Variants in JPH2 observed in about 807,000 individuals in gnomAD.
JPH2 encodes the protein junctophilin-2.
In JPH2, 38 loss-of-function variants were observed where a neutral mutation model predicts 55.9. That is an observed-to-expected ratio of 0.68 (90% CI 0.52 to 0.89). The LOEUF (loss-of-function observed/expected upper bound fraction) is 0.89, where lower values mean the gene tolerates loss of function less well. JPH2 is among the 40% of genes least tolerant of loss of function. JPH2 has a pLI of 0.00. For missense variants in JPH2, 964 were observed against 1,037.6 expected, an observed-to-expected ratio of 0.93 and a Z score of 0.97; for synonymous variants, 480 against 472.4, an observed-to-expected ratio of 1.02 and a Z score of -0.21.
rs534764809 is a variant in JPH2, at chr20:44,116,051, G to A, written c.1624C>T (p.Arg542Cys). ...RRSPARPATE[R>C]MAIEALQAPP... Reference sequence around the variant, plus strand: ...GCCTGCAGAGCCTCGATGGCCATGCGCTCGGTGGCTGGACGCGCGGGGCTG... The same window carrying A: ...GCCTGCAGAGCCTCGATGGCCATGCACTCGGTGGCTGGACGCGCGGGGCTG... The change falls in exon 4 of 6, where the codon CGC becomes TGC. Residue 542 changes from arginine to cysteine, a missense_variant. Arg to Cys is a radical substitution (Grantham distance 180). Transcript: ENST00000372980. 14 of 1,562,950 alleles carry A rather than the reference G, an allele frequency of 9.0e-6. No homozygotes were observed. In the African/African-American group the frequency reaches 9.7e-5, roughly 11 times the overall value.
intron 2 of JPH2, among the ~76,000 whole-genome samples, chr20:44,121,480 T>C (rs2072235588): frequency 6.6e-6 from 1 of 152,064 alleles, no homozygotes; most frequent in Admixed American, 6.6e-5. Flanking sequence ...GGTAGTGAGG[T>C]AGTGTTTACC....
At chr20:44,144,512 G>A (rs1438735717) in intron 2 of JPH2, among the ~76,000 whole-genome samples, 1 of 152,190 alleles carries the variant, frequency 6.6e-6, no homozygotes. Flanking sequence ...TGGTGGGCAA[G>A]TAACAGAGCA....
rs925491624 is a variant in JPH2, at chr20:44,115,846, C to T, written c.1829G>A (p.Arg610Gln). The change falls in exon 4 of 6, where the codon CGA becomes CAA. Residue 610 changes from arginine (R) to glutamine (Q), a missense_variant. Physicochemically the swap from Arg to Gln is conservative, Grantham distance 43. Coordinates refer to ENST00000372980, the MANE Select transcript of JPH2 (RefSeq NM_020433.5). ...ATAPLQAPTL[R>Q]GPEPARETPA... ...GGTCTCGCGTGCAGGCTCGGGGCCT[C>T]GGAGCGTGGGGGCCTGCAGCGGGGC... 3 of 1,594,258 alleles carry T rather than the reference C, an allele frequency of 1.9e-6. No individual in the cohort carries two copies. Among genetic ancestry groups the T allele is most frequent in the Admixed American group, 1.7e-5 (1 of 59,600 alleles).
chr20:44,139,923 G>A (rs1045236101), intron 2 of JPH2, among the ~76,000 whole-genome samples: 2 of 152,128 alleles, frequency 1.3e-5, no homozygotes, highest in Non-Finnish European at 2.9e-5. Context: ...CCAGGCTGGA[G>A]TGCAGTGGTG....
chr20:44,145,320 C>A (rs2072485916), intron 2 of JPH2, among the ~76,000 whole-genome samples: 1 of 152,052 alleles, frequency 6.6e-6, no homozygotes, highest in Non-Finnish European at 1.5e-5. Flanking sequence ...AAAAGTAAAG[C>A]TGGACCAGGC....
At chr20:44,121,602 G>A (rs966118674) in intron 2 of JPH2, among the ~76,000 whole-genome samples, 1 of 9,480 alleles carries the variant, frequency 1.1e-4, no homozygotes, top group Non-Finnish European at 1.7e-4. Flanking sequence ...GGGCTTTACA[G>A]AAATTAACTT....
Position 44,186,431 on chromosome 20 carries a change from C to G in JPH2, c.275G>C (p.Gly92Ala). The change falls in exon 1 of 6, where the codon GGA becomes GCA. Residue 92 changes from glycine (G) to alanine (A), a missense_variant. By Grantham distance (60) the Gly-to-Ala change is moderately conservative (BLOSUM62 0). Coordinates refer to ENST00000372980, the MANE Select transcript of JPH2 (RefSeq NM_020433.5). ...YKGEWTHGFK[G>A]RYGIRQSSSS... ...TGAGCTCTGCCGGATTCCGTAGCGT[C>G]CCTTGAAGCCATGTGTCCACTCGCC... 1 of 1,614,086 alleles carries G rather than the reference C, an allele frequency of 6.2e-7. No homozygotes were observed. Among genetic ancestry groups the G allele is most frequent in the Non-Finnish European group, 8.5e-7 (1 of 1,179,988 alleles).
chr20:44,170,314 C>T (rs937581336), intron 1 of JPH2, among the ~76,000 whole-genome samples: 1 of 152,236 alleles, frequency 6.6e-6, no homozygotes, highest in Non-Finnish European at 1.5e-5. Context: ...CTTCTTACTT[C>T]CCATGGCAGC....
At chr20:44,163,514 T>C (rs2072630699) in intron 1 of JPH2, among the ~76,000 whole-genome samples, 1 of 152,100 alleles carries the variant, frequency 6.6e-6, no homozygotes, top group Non-Finnish European at 1.5e-5. Flanking sequence ...AGAGCCCCCA[T>C]TAAGGATCAA....
At position 44,109,497 on chromosome 20, in the gene JPH2, T is replaced by C. The variant is rs1454275444; in HGVS notation, c.*4021A>G. ...ACCACACAGCTGTTCTGCCACCACA[T>C]ACAGGAGGTGAAGGGCTTAGCACAG... is the stretch of plus-strand genomic sequence containing the variant. On this transcript the variant is annotated 3_prime_UTR_variant, in exon 6 of 6. Transcript: ENST00000372980. 2.6e-5 allele frequency among the ~76,000 whole-genome samples: 4 copies of C among 152,140 alleles called. No individual in the cohort carries two copies. The East Asian group carries it at 5.8e-4, about 22-fold the overall frequency.
Position 44,115,760 on chromosome 20 carries a change from T to TG in JPH2, c.1914dup (p.Lys639GlnfsTer3). ...TTGGTCAGCCCTCGAGCCTCAGTCT[T>TG]GCGGGCCTTGGCCCTGGGCTCGGCT... On this transcript the variant is annotated frameshift_variant, in exon 4 of 6. Coordinates refer to ENST00000372980, the MANE Select transcript of JPH2 (RefSeq NM_020433.5). LOFTEE classifies it high-confidence loss of function. 6.2e-7 allele frequency: 1 copy of TG among 1,612,756 alleles called. No homozygotes were observed. The highest frequency in any genetic ancestry group is 8.5e-7 in the Non-Finnish European group (1 of 1,179,954).
chr20:44,147,545 G>C (rs1423583461), intron 2 of JPH2, among the ~76,000 whole-genome samples: 1 of 152,220 alleles, frequency 6.6e-6, no homozygotes, highest in Non-Finnish European at 1.5e-5. Flanking sequence ...AACAAAACCA[G>C]AATAGGTAAG....
At chr20:44,171,365 G>C (rs774969242) in intron 1 of JPH2, among the ~76,000 whole-genome samples, 2 of 152,184 alleles carry the variant, frequency 1.3e-5, no homozygotes, top group Non-Finnish European at 2.9e-5. Context: ...GAAGGAGGCA[G>C]CTCCCTTTGT....
At chr20:44,144,601 G>A (rs537074985) in intron 2 of JPH2, among the ~76,000 whole-genome samples, 4 of 152,264 alleles carry the variant, frequency 2.6e-5, no homozygotes, top group East Asian at 3.9e-4. Context: ...GCCAGGCACC[G>A]AGGTCTAGGC....
intron 1 of JPH2, among the ~76,000 whole-genome samples, chr20:44,182,047 A>T (rs1347978944): frequency 6.6e-6 from 1 of 152,248 alleles, no homozygotes. Flanking sequence ...GTACTCATTC[A>T]TCCCAGGAGA....
At chr20:44,140,357 G>C (rs1439944332) in intron 2 of JPH2, among the ~76,000 whole-genome samples, 37 of 152,222 alleles carry the variant, frequency 2.4e-4, no homozygotes, top group Non-Finnish European at 2.9e-5. Flanking sequence ...CTGCTCTGTG[G>C]CATTTCCCAC....
Position 44,116,403 on chromosome 20 carries a change from G to A in JPH2, c.1289-17C>T, listed in dbSNP as rs539098497. On this transcript the variant is annotated splice_polypyrimidine_tract_variant and intron_variant, in intron 3 of 5. Coordinates refer to ENST00000372980, the MANE Select transcript of JPH2 (RefSeq NM_020433.5). Reference sequence around the variant, plus strand: ...ATTCCGGACCTGCCAGGGCAACACAGGGAGGCTGGGCTCGAACCCCGCACC... The same window carrying A: ...ATTCCGGACCTGCCAGGGCAACACAAGGAGGCTGGGCTCGAACCCCGCACC... The A allele has an allele frequency of 6.5e-6, 10 of 1,545,976 alleles. No individual in the cohort carries two copies. The East Asian group carries it at 2.4e-4, about 38-fold the overall frequency.
At chr20:44,124,653 T>TAA (rs558292729) in intron 2 of JPH2, among the ~76,000 whole-genome samples, 4,229 of 143,450 alleles carry the variant, frequency 0.029, 55 homozygotes, top group Non-Finnish European at 0.037. Flanking sequence ...AACTCTATCT[T>TAA]AAAAAAAAAA....
intron 1 of JPH2, chr20:44,176,819 T>C (rs927514460): frequency 5.2e-6 from 5 of 958,802 alleles, no homozygotes; most frequent in Non-Finnish European, 6.2e-6. Flanking sequence ...AAAAAAGGTA[T>C]CCATAAAGGA....
Sources: allele counts gnomAD v4.1 joint callset (sites outside exome capture counted in the v4.1 genomes callset), GRCh38; gene constraint gnomAD v4.1.1; transcripts MANE v1.5; gene names NCBI Gene and HGNC (gene_info 2026-07-23, HGNC 2026-07-21).